Variants in FYTTD1 observed in about 807,000 individuals in gnomAD.
The protein encoded by FYTTD1 is UAP56-interacting factor.
In FYTTD1, 22 loss-of-function variants were observed where a neutral mutation model predicts 40.9. The observed-to-expected ratio is 0.54, with a 90% CI of 0.38 to 0.77. FYTTD1 has a LOEUF of 0.77. Ranked by LOEUF, FYTTD1 falls within the 30% of genes least tolerant of loss-of-function variation. The probability of loss-of-function intolerance (pLI) is 0.00; values close to 1 mark genes in which losing one functional copy is unlikely to be tolerated. For synonymous variants in FYTTD1, 140 were observed against 137.9 expected (o/e 1.01, Z -0.10); for missense variants, 351 against 392.2 (o/e 0.90, Z 0.89).
intron 4 of FYTTD1, among the ~76,000 whole-genome samples, chr3:197,772,166 C>T (rs558850812): frequency 1.1e-4 from 16 of 152,156 alleles, no homozygotes; most frequent in Non-Finnish European, 2.1e-4. Flanking sequence ...TTGGGAATCA[C>T]TTGATAGTAC....
At chr3:197,780,028 A>G (rs1365936465) in intron 8 of FYTTD1, among the ~76,000 whole-genome samples, 2 of 137,636 alleles carry the variant, frequency 1.5e-5, no homozygotes, top group Non-Finnish European at 3.1e-5. Context: ...ACACCTGGGG[A>G]TGCAGGCACA....
chr3:197,756,277 A>C, intron 1 of FYTTD1, 149 bp from the exon 2 acceptor site: 1 of 652,820 alleles, frequency 1.5e-6, no homozygotes, highest in African/African-American at 1.8e-5. Flanking sequence ...GGCTATTGTA[A>C]AATGGCTGAT....
At position 197,784,454 on chromosome 3, in the gene FYTTD1, C is replaced by T. The variant is rs1006864721; in HGVS notation, c.*2545C>T. Reference sequence around the variant, plus strand: ...ACTGTAGACTCTTCTATTAGCATCCCTCTCTCTTTTGATGATTTCATTTGT... The same window carrying T: ...ACTGTAGACTCTTCTATTAGCATCCTTCTCTCTTTTGATGATTTCATTTGT... On this transcript the variant is annotated 3_prime_UTR_variant, in exon 9 of 9. Coordinates refer to ENST00000241502, the MANE Select transcript of FYTTD1 (RefSeq NM_032288.7). The T allele has an allele frequency of 1.3e-5, 2 of 152,142 alleles. No individual in the cohort carries two copies. Among genetic ancestry groups the T allele is most frequent in the African/African-American group, 4.8e-5 (2 of 41,442 alleles). The allele number at this position is 152,142 out of a possible 1,614,324, so 9.4% of individuals were successfully genotyped here. A position where few individuals can be genotyped will look rare whatever the true frequency, so the allele number is the denominator to read the frequency against.
At chr3:197,771,867 G>C (rs1412416089) in intron 4 of FYTTD1, among the ~76,000 whole-genome samples, 1 of 151,842 alleles carries the variant, frequency 6.6e-6, no homozygotes, top group East Asian at 1.9e-4. Context: ...GCCGCTGCGT[G>C]TGGATCACCT....
At chr3:197,762,661 T>G (rs942983113) in intron 2 of FYTTD1, among the ~76,000 whole-genome samples, 1 of 151,788 alleles carries the variant, frequency 6.6e-6, no homozygotes. Flanking sequence ...GGCAGGCAGA[T>G]CATGAGATCG....
At chr3:197,764,835 A>G (rs1440812400) in intron 2 of FYTTD1, among the ~76,000 whole-genome samples, 2 of 150,294 alleles carry the variant, frequency 1.3e-5, no homozygotes, top group African/African-American at 4.9e-5. Context: ...CAAGGGATGG[A>G]GTTCTATTCC....
In FYTTD1 at chr3:197,782,459, G is replaced by C. The variant is rs1730053759; in HGVS notation, c.*550G>C. The C allele has an allele frequency of 6.6e-6, 1 of 152,234 alleles. No individual in the cohort carries two copies. The highest frequency in any genetic ancestry group is 2.4e-5 in the African/African-American group (1 of 41,506). The allele number at this position is 152,234 out of a possible 1,614,324, so 9.4% of individuals were successfully genotyped here. On this transcript the variant is annotated 3_prime_UTR_variant, in exon 9 of 9. Transcript: ENST00000241502. ...CCAGAACGTGCTTCCTCTTTCAGAC[G>C]GTGTAAAGTCCCCTGGAATTACACA...
intron 6 of FYTTD1, among the ~76,000 whole-genome samples, chr3:197,776,206 T>A (rs937073838): frequency 5.2e-5 from 7 of 135,296 alleles, no homozygotes; most frequent in African/African-American, 1.4e-4. Context: ...ATCATAGCAA[T>A]TTTTTTTTTT....
chr3:197,762,754 C>G (rs144362835), intron 2 of FYTTD1, among the ~76,000 whole-genome samples: 1 of 151,970 alleles, frequency 6.6e-6, no homozygotes, highest in Admixed American at 6.6e-5. Flanking sequence ...TGGTAGCGGG[C>G]ACCTGTAGTC....
chr3:197,775,545 A>G (rs1278052024), intron 6 of FYTTD1, among the ~76,000 whole-genome samples: 1 of 151,956 alleles, frequency 6.6e-6, no homozygotes, highest in African/African-American at 2.4e-5. Context: ...CAGATACTCA[A>G]GTCCCTTACA....
chr3:197,769,264 T>C (rs900062650), intron 3 of FYTTD1, among the ~76,000 whole-genome samples: 2 of 152,036 alleles, frequency 1.3e-5, no homozygotes, highest in Admixed American at 6.5e-5. Context: ...ATTTTTGTAT[T>C]TTTAGTAGAG....
intron 6 of FYTTD1, among the ~76,000 whole-genome samples, chr3:197,775,019 A>T (rs1478296210): frequency 6.6e-6 from 1 of 152,228 alleles, no homozygotes; most frequent in African/African-American, 2.4e-5. Context: ...TGCCACGTAG[A>T]TTACTTCATT....
At chr3:197,754,044 T>C (rs947713158) in intron 1 of FYTTD1, among the ~76,000 whole-genome samples, 3 of 152,194 alleles carry the variant, frequency 2.0e-5, no homozygotes, top group Non-Finnish European at 4.4e-5. Flanking sequence ...CCGGCCTATA[T>C]GCTATATTTT....
At chr3:197,750,196 G>A (rs1580437507) in intron 1 of FYTTD1, 122 bp downstream of exon 1, 2 of 873,106 alleles carry the variant, frequency 2.3e-6, no homozygotes, top group Non-Finnish European at 3.3e-6. Context: ...TCGCTGGTGG[G>A]CGGACCCGAG....
At chr3:197,775,146 A>T (rs938107748) in intron 6 of FYTTD1, among the ~76,000 whole-genome samples, 5 of 152,218 alleles carry the variant, frequency 3.3e-5, no homozygotes, top group African/African-American at 1.2e-4. Flanking sequence ...TGAATAGAAT[A>T]AAATTCAGTG....
At chr3:197,767,551 A>G (rs1026334089) in intron 2 of FYTTD1, among the ~76,000 whole-genome samples, 1 of 150,910 alleles carries the variant, frequency 6.6e-6, no homozygotes, top group Non-Finnish European at 1.5e-5. Context: ...TGCAGCCTAG[A>G]ACTCCTGGGC....
chr3:197,763,611 T>C lies in FYTTD1; in HGVS notation c.236-4828T>C, dbSNP rs762170936. On this transcript the variant is annotated intron_variant, in intron 2 of 8. Coordinates refer to ENST00000241502, the MANE Select transcript of FYTTD1 (RefSeq NM_032288.7). Reference sequence around the variant, plus strand: ...GGGCAACATAGGGAGACCCCGTCTCTACAAAAAAAAAGAAAGAGTATAAAG... The same window carrying C: ...GGGCAACATAGGGAGACCCCGTCTCCACAAAAAAAAAGAAAGAGTATAAAG... 1.0e-4 allele frequency: 40 copies of C among 393,220 alleles called. 1 individual carries two copies. In the Admixed American group the frequency reaches 1.0e-3, roughly 10 times the overall value. 24.4% of individuals were successfully genotyped at this position (393,220 alleles called of 1,614,324 possible). A position where few individuals can be genotyped will look rare whatever the true frequency, so the allele number is the denominator to read the frequency against.
chr3:197,759,036 T>C (rs1222260168), intron 2 of FYTTD1, among the ~76,000 whole-genome samples: 2 of 152,220 alleles, frequency 1.3e-5, no homozygotes, highest in African/African-American at 4.8e-5. Context: ...GTAGAATGTA[T>C]AGAGTTGTTC....
At chr3:197,760,527 G>GTATAGAGTTGTTCTTCAGGGGTAGAATT (rs1249853191) in intron 2 of FYTTD1, among the ~76,000 whole-genome samples, 8 of 149,616 alleles carry the variant, frequency 5.3e-5, no homozygotes, top group Non-Finnish European at 8.8e-5. Flanking sequence ...GGGGTAGAAT[G>GTATAGAGTTGTTCTTCAGGGGTAGAATT]TATAGAGTTG....
Sources: gnomAD v4.1 joint callset for allele counts (sites outside exome capture counted in the v4.1 genomes callset) on GRCh38, gnomAD v4.1.1 for gene constraint, MANE v1.5 for transcripts, NCBI Gene and HGNC (gene_info 2026-07-23, HGNC 2026-07-21) for gene names.